Variants in PTPRD observed in about 807,000 individuals in gnomAD.
PTPRD encodes receptor-type tyrosine-protein phosphatase delta.
A neutral mutation model predicts 214.5 loss-of-function variants in PTPRD; 34 were observed. That is an observed-to-expected ratio of 0.16 (90% CI 0.12 to 0.21). The LOEUF (loss-of-function observed/expected upper bound fraction) is 0.21. Ranked by LOEUF, PTPRD falls within the 10% of genes least tolerant of loss-of-function variation. The probability of loss-of-function intolerance (pLI) is 1.00; values close to 1 mark genes in which losing one functional copy is unlikely to be tolerated. For missense variants in PTPRD, 2,545 were observed against 2,398.7 expected, an observed-to-expected ratio of 1.06 and a Z score of -1.27; for synonymous variants, 1,128 against 845.7, an observed-to-expected ratio of 1.33 and a Z score of -5.79.
chr9:9,485,773 G>A (rs2095602875), intron 8 of PTPRD, among the ~76,000 whole-genome samples: 1 of 152,070 alleles, frequency 6.6e-6, no homozygotes, highest in South Asian at 2.1e-4. Context: ...CTCTCATTCA[G>A]TGGATTATTC....
At chr9:8,364,409 T>A (rs2079260007) in intron 39 of PTPRD, among the ~76,000 whole-genome samples, 1 of 152,256 alleles carries the variant, frequency 6.6e-6, no homozygotes, top group African/African-American at 2.4e-5. Context: ...CTTTGCTTCC[T>A]ACTTTATCGA....
intron 11 of PTPRD, among the ~76,000 whole-genome samples, chr9:8,735,636 G>A (rs375561331): frequency 1.1e-4 from 17 of 152,238 alleles, no homozygotes; most frequent in South Asian, 1.0e-3. Context: ...AGAGTCAGGC[G>A]CAGTGGCTTA....
At chr9:10,052,433 C>T (rs2097550629) in intron 3 of PTPRD, among the ~76,000 whole-genome samples, 1 of 152,038 alleles carries the variant, frequency 6.6e-6, no homozygotes, top group Non-Finnish European at 1.5e-5. Flanking sequence ...ATCATCTGTT[C>T]AACTGTAACT....
At chr9:8,884,107 T>C (rs1229390641) in intron 11 of PTPRD, among the ~76,000 whole-genome samples, 1 of 152,210 alleles carries the variant, frequency 6.6e-6, no homozygotes, top group Admixed American at 6.5e-5. Context: ...GGTTCGGGAA[T>C]ATGAAAGCAG....
intron 9 of PTPRD, among the ~76,000 whole-genome samples, chr9:9,264,865 AG>A (rs1569566068): frequency 6.6e-6 from 1 of 150,580 alleles, no homozygotes; most frequent in Non-Finnish European, 1.5e-5. Flanking sequence ...GCAGGCCAGG[AG>A]AAAGTGGAAT....
intron 34 of PTPRD, among the ~76,000 whole-genome samples, chr9:8,445,745 A>G (rs1326821983): frequency 6.6e-6 from 1 of 152,210 alleles, no homozygotes; most frequent in Non-Finnish European, 1.5e-5. Flanking sequence ...CAATCGGTTA[A>G]GTCACAATTA....
chr9:8,576,591 T>C (rs2092389639), intron 14 of PTPRD, among the ~76,000 whole-genome samples: 1 of 148,946 alleles, frequency 6.7e-6, no homozygotes, highest in Non-Finnish European at 1.5e-5. Context: ...TGTATATAGA[T>C]ATTTAATCTT....
Position 9,578,081 on chromosome 9 carries a change from A to ATATACTTC in PTPRD, c.-286-3308_-286-3301dup, listed in dbSNP as rs796583653. Among the ~76,000 whole-genome samples the ATATACTTC allele has an allele frequency of 4.0e-3, 601 of 148,434 alleles. 5 individuals are homozygous for ATATACTTC. Among genetic ancestry groups the ATATACTTC allele is most frequent in the African/African-American group, 0.014 (568 of 40,566 alleles). On this transcript the variant is annotated intron_variant, in intron 7 of 45. Coordinates refer to ENST00000381196, the MANE Select transcript of PTPRD (RefSeq NM_002839.4). The stretch of plus-strand genomic sequence containing the variant: ...AAAAAAAAAAAAAAAAGAGGATCAG[A>ATATACTTC]TATACTTCTCTCATTTGTACTACTT...
intron 14 of PTPRD, among the ~76,000 whole-genome samples, chr9:8,542,987 T>TA (rs950029204): frequency 9.4e-4 from 143 of 152,248 alleles, no homozygotes; most frequent in Admixed American, 2.6e-3. Flanking sequence ...CACAAAATAT[T>TA]AGAGTATGAC....
At position 10,583,301 on chromosome 9, in the gene PTPRD, G is replaced by A. The variant is rs12000520; in HGVS notation, c.-600+29097C>T. ...GAAGAGGACAAAAGCTAACATGTGAGATGGTATGCTTTTCTGTGTATTGAC... is the reference window on the plus strand; with the variant it reads ...GAAGAGGACAAAAGCTAACATGTGAAATGGTATGCTTTTCTGTGTATTGAC... On this transcript the variant is annotated intron_variant, in intron 2 of 45. Transcript: ENST00000381196. Among the ~76,000 whole-genome samples the A allele has an allele frequency of 9.3e-3, 1,409 of 152,164 alleles. 29 individuals are homozygous for A. The highest frequency in any genetic ancestry group is 0.033 in the African/African-American group (1,351 of 41,540).
At chr9:9,107,107 T>C (rs1023050141) in intron 10 of PTPRD, among the ~76,000 whole-genome samples, 2 of 152,166 alleles carry the variant, frequency 1.3e-5, no homozygotes, top group Non-Finnish European at 2.9e-5. Flanking sequence ...GAAATTATTT[T>C]TTTGTTACTC....
intron 11 of PTPRD, among the ~76,000 whole-genome samples, chr9:8,750,155 G>GA (rs979421364): frequency 6.6e-6 from 1 of 151,846 alleles, no homozygotes; most frequent in African/African-American, 2.4e-5. Flanking sequence ...CTAGGAGATA[G>GA]AAAAATACAA....
At chr9:9,772,793 T>C (rs1281153031) in intron 5 of PTPRD, among the ~76,000 whole-genome samples, 1 of 150,964 alleles carries the variant, frequency 6.6e-6, no homozygotes, top group Non-Finnish European at 1.5e-5. Flanking sequence ...GCACTATAAA[T>C]TGAAAAGCAA....
chr9:10,508,786 G>T (rs2046971364), intron 2 of PTPRD, among the ~76,000 whole-genome samples: 1 of 151,972 alleles, frequency 6.6e-6, no homozygotes, highest in South Asian at 2.1e-4. Flanking sequence ...ACACACTGGG[G>T]CCTGTCGTGG....
At chr9:9,508,678 G>A (rs945856210) in intron 8 of PTPRD, among the ~76,000 whole-genome samples, 3 of 151,376 alleles carry the variant, frequency 2.0e-5, no homozygotes, top group Non-Finnish European at 4.4e-5. Flanking sequence ...AGCCTCAAAA[G>A]GTATTATATG....
rs759320922 is a variant in PTPRD, at chr9:8,507,403, T to C, written c.1575A>G (p.Glu525=). The C allele has an allele frequency of 1.2e-6, 2 of 1,613,974 alleles. No individual in the cohort carries two copies. The highest frequency in any genetic ancestry group is 1.7e-6 in the Non-Finnish European group (2 of 1,179,864). The change falls in exon 22 of 46, where the codon GAA becomes GAG. Residue 525 remains glutamate, a synonymous_variant. Transcript: ENST00000381196. ...VPGQPLNFKA[E]PESETSILLS... ...GCAAAATACTTGTTTCAGACTCAGG[T>C]TCTGCTTTGAAGTTTAGTGGCTGCC...
chr9:8,636,636 T>C (rs1321621741), intron 13 of PTPRD, 63 bp downstream of exon 13: 1 of 1,578,138 alleles, frequency 6.3e-7, no homozygotes, highest in Non-Finnish European at 8.7e-7. Context: ...GCAAGTAACG[T>C]AGAAACCAAA....
intron 11 of PTPRD, among the ~76,000 whole-genome samples, chr9:8,872,643 A>G (rs1374469671): frequency 6.6e-6 from 1 of 152,220 alleles, no homozygotes; most frequent in Non-Finnish European, 1.5e-5. Context: ...GCCTACATTT[A>G]TGTAAATCTG....
rs1209546123 is a variant in PTPRD, at chr9:8,341,674, A to G, written c.4947+19T>C. ...GAATGACTTGCTCCTGAATAACCAC[A>G]TCACATCCAATACCATACCTTAAAT... On this transcript the variant is annotated intron_variant, in intron 40 of 45. Coordinates refer to ENST00000381196, the MANE Select transcript of PTPRD (RefSeq NM_002839.4). The G allele has an allele frequency of 1.6e-5, 25 of 1,610,548 alleles. No homozygotes were observed. The highest frequency in any genetic ancestry group is 6.6e-5 in the South Asian group (6 of 90,702).
Sources: allele counts gnomAD v4.1 joint callset (sites outside exome capture counted in the v4.1 genomes callset), GRCh38; gene constraint gnomAD v4.1.1; transcripts MANE v1.5; gene names NCBI Gene and HGNC (gene_info 2026-07-23, HGNC 2026-07-21).